The following ODF2L variants were observed in gnomAD, a reference collection of about 807,000 sequenced individuals.
The protein encoded by ODF2L is protein BCAP.
A neutral mutation model predicts 86.3 loss-of-function variants in ODF2L; 76 were observed. That is an observed-to-expected ratio of 0.88 (90% CI 0.73 to 1.07). The LOEUF is 1.07. Ranked by LOEUF, ODF2L falls within the 50% of genes least tolerant of loss-of-function variation. The pLI is 0.00. For missense variants in ODF2L, 748 were observed against 717.4 expected (o/e 1.04, Z -0.49); for synonymous variants, 241 against 231.3 (o/e 1.04, Z -0.38).
At chr1:86,351,907 T>TAC in exon 18 of ODF2L, 1 of 1,147,756 alleles carries the variant, frequency 8.7e-7, no homozygotes, top group East Asian at 4.7e-5. Context: ...CTAGGGACAT[T>TAC]ACAGCAAAAC....
At chr1:86,354,478 A>G in intron 16 of ODF2L, 52 bp downstream of exon 15, 2 of 1,193,790 alleles carry the variant, frequency 1.7e-6, no homozygotes, top group Non-Finnish European at 2.4e-6. Flanking sequence ...GTTTAAAAAG[A>G]TGACTCTTTG....
chr1:86,386,730 TA>T (rs1660980832), intron 2 of ODF2L, 184 bp downstream of exon 2: 1 of 416,946 alleles, frequency 2.4e-6, no homozygotes, highest in African/African-American at 2.1e-5. Flanking sequence ...TCAAAAAAAC[TA>T]GTTGAATTCT....
At chr1:86,361,742 G>C (rs1659050004) in intron 11 of ODF2L, among the ~76,000 whole-genome samples, 1 of 151,912 alleles carries the variant, frequency 6.6e-6, no homozygotes, top group African/African-American at 2.4e-5. Context: ...TAGGACAAAA[G>C]ACAAATATAA....
chr1:86,385,604 C>T lies in ODF2L; in HGVS notation c.114-14G>A, dbSNP rs146738806. On this transcript the variant is annotated splice_polypyrimidine_tract_variant and intron_variant, in intron 2 of 17. Transcript: ENST00000317336. The stretch of plus-strand genomic sequence containing the variant: ...TCCTGCTTCAGGCTAATTACAAATG[C>T]ACATACAAAATTTAAGTTAAATCCA... 1.2e-6 allele frequency: 2 copies of T among 1,605,166 alleles called. No homozygotes were observed. The highest frequency in any genetic ancestry group is 1.3e-5 in the African/African-American group (1 of 74,774).
intron 1 of ODF2L, among the ~76,000 whole-genome samples, chr1:86,387,319 CTAAA>C (rs750811044): frequency 1.3e-5 from 2 of 152,090 alleles, no homozygotes; most frequent in South Asian, 2.1e-4. Flanking sequence ...CTGATAATTC[CTAAA>C]TAATCACAAG....
chr1:86,359,024 A>G, intron 12 of ODF2L, 133 bp from the exon 12 acceptor site: 1 of 499,588 alleles, frequency 2.0e-6, no homozygotes, highest in Non-Finnish European at 3.5e-6. Flanking sequence ...ATCTAATGTT[A>G]TTACTTCTTT....
At chr1:86,357,528 G>A (rs1658673012) in intron 13 of ODF2L, 1 of 172,158 alleles carries the variant, frequency 5.8e-6, no homozygotes, top group Non-Finnish European at 1.2e-5. Context: ...GCTAGGCATT[G>A]AGCTAGGAGA....
Position 86,356,538 on chromosome 1 carries a change from G to A in ODF2L, c.1424C>T (p.Ala475Val), listed in dbSNP as rs147025866. 3.9e-5 allele frequency: 63 copies of A among 1,613,838 alleles called. No homozygotes were observed. The highest frequency in any genetic ancestry group is 2.0e-4 in the African/African-American group (15 of 74,890). Residue 475 changes from alanine (A) to valine (V), a missense_variant, in exon 14 of 18, where the codon GCG becomes GTG. Ala to Val is a moderately conservative substitution (Grantham distance 64, BLOSUM62 0). Coordinates refer to ENST00000317336, the Ensembl canonical transcript of ODF2L. ...CTGACACTCGTGAAGCCTCCGTTCC[G>A]CCGCCGTCAAGGAATCGCAGACACG...
intron 4 of ODF2L, among the ~76,000 whole-genome samples, chr1:86,384,232 A>AC (rs1225092211): frequency 6.6e-6 from 1 of 151,810 alleles, no homozygotes; most frequent in Admixed American, 6.6e-5. Flanking sequence ...TTGGAGTGAT[A>AC]AAAATGCTTT....
chr1:86,393,100 C>T (rs947027809), intron 1 of ODF2L, among the ~76,000 whole-genome samples: 3 of 152,164 alleles, frequency 2.0e-5, no homozygotes, highest in African/African-American at 7.2e-5. Flanking sequence ...GGTCCATGAC[C>T]TTCCTTAACA....
Position 86,362,032 on chromosome 1 carries a change from AG to A in ODF2L, c.1144-1497del, listed in dbSNP as rs747171817. Among the ~76,000 whole-genome samples the A allele has an allele frequency of 3.3e-5, 5 of 152,328 alleles. No individual in the cohort carries two copies. In the East Asian group the frequency reaches 7.7e-4, roughly 23 times the overall value. On this transcript the variant is annotated intron_variant, in intron 11 of 17. Transcript: ENST00000317336. ...AAAGAGACTTTTGAGTAAAACTGAT[AG>A]GAAGTGTGTCTGTTTAAGGGAAAAA...
chr1:86,383,431 G>A (rs1466619999), intron 4 of ODF2L, among the ~76,000 whole-genome samples: 2 of 151,564 alleles, frequency 1.3e-5, no homozygotes, highest in African/African-American at 4.8e-5. Flanking sequence ...GAAAGTATAG[G>A]CCAATGACAC....
At chr1:86,365,954 A>C (rs1328904538) in intron 11 of ODF2L, among the ~76,000 whole-genome samples, 4 of 152,206 alleles carry the variant, frequency 2.6e-5, no homozygotes, top group Non-Finnish European at 4.4e-5. Context: ...AGATAAGAAA[A>C]GTCCTTCTCT....
intron 17 of ODF2L, 108 bp downstream of exon 16, chr1:86,352,751 A>C (rs1658231460): frequency 4.7e-6 from 3 of 641,670 alleles, no homozygotes; most frequent in Non-Finnish European, 7.8e-6. Context: ...TGTTATTTTT[A>C]ATATTATCAG....
exon 18 of ODF2L, chr1:86,352,038 C>A (rs1345399900): frequency 2.3e-6 from 3 of 1,301,452 alleles, no homozygotes; most frequent in African/African-American, 3.1e-5. Context: ...AAGGCCTGTG[C>A]TAAATTAAAG....
rs1224391681 is a variant in ODF2L, at chr1:86,385,446, T to C, written c.246+12A>G. The stretch of plus-strand genomic sequence containing the variant: ...AGCTTTTCATTTTATTATATATTCA[T>C]AAGTCACTCACATTTTCAAAATTAA... On this transcript the variant is annotated intron_variant, in intron 3 of 17. Transcript: ENST00000317336. 2 of 1,522,752 alleles carry C rather than the reference T, an allele frequency of 1.3e-6. No homozygotes were observed. The highest frequency in any genetic ancestry group is 1.7e-5 in the Admixed American group (1 of 58,098). The allele number at this position is 1,522,752 out of a possible 1,614,324, so 94.3% of individuals were successfully genotyped here. A position where few individuals can be genotyped will look rare whatever the true frequency, so the allele number is the denominator to read the frequency against.
chr1:86,353,389 G>A (rs1488707460), intron 16 of ODF2L, among the ~76,000 whole-genome samples: 1 of 152,082 alleles, frequency 6.6e-6, no homozygotes, highest in Non-Finnish European at 1.5e-5. Context: ...AGAATTGGGA[G>A]CAGGAATTGG....
chr1:86,360,647 T>A (rs1658966116), intron 11 of ODF2L, 111 bp from the exon 11 acceptor site: 1 of 512,162 alleles, frequency 2.0e-6, no homozygotes, highest in Non-Finnish European at 3.4e-6. Flanking sequence ...ATAAAATAAT[T>A]ATTTTTTATT....
intron 8 of ODF2L, among the ~76,000 whole-genome samples, chr1:86,372,821 C>T (rs895291087): frequency 3.9e-5 from 6 of 152,102 alleles, no homozygotes; most frequent in African/African-American, 1.4e-4. Flanking sequence ...TCTGCAGCAA[C>T]CTGGATGAAG....
Sources: allele counts gnomAD v4.1 joint callset (sites outside exome capture counted in the v4.1 genomes callset), GRCh38; gene constraint gnomAD v4.1.1; transcripts MANE v1.5; gene names NCBI Gene and HGNC (gene_info 2026-07-23, HGNC 2026-07-21).